Variants in GPR39 observed in about 807,000 individuals in gnomAD.
The protein encoded by GPR39 is zinc sensing receptor.
A neutral mutation model predicts 18.4 loss-of-function variants in GPR39; 23 were observed. The ratio of observed to expected loss-of-function variants is 1.25; its 90% CI spans 0.90 to 1.77. The LOEUF (loss-of-function observed/expected upper bound fraction) is 1.77, where lower values mean the gene tolerates loss of function less well. Among genes scored for constraint, GPR39 ranks in the 40% most tolerant of loss-of-function variants. The pLI, the probability that GPR39 is intolerant of heterozygous loss-of-function variation, is 0.00. For missense variants in GPR39, 647 were observed against 602.4 expected, an observed-to-expected ratio of 1.07 and a Z score of -0.78; for synonymous variants, 280 against 257.9, an observed-to-expected ratio of 1.09 and a Z score of -0.82.
At chr2:132,432,548 C>G (rs886330674) in intron 1 of GPR39, among the ~76,000 whole-genome samples, 8 of 152,200 alleles carry the variant, frequency 5.3e-5, no homozygotes, top group African/African-American at 1.9e-4. Flanking sequence ...AGGATCATCT[C>G]TCTACCTCAA....
intron 1 of GPR39, among the ~76,000 whole-genome samples, chr2:132,587,316 C>T (rs894385191): frequency 2.0e-5 from 3 of 152,154 alleles, no homozygotes; most frequent in Non-Finnish European, 2.9e-5. Context: ...GTGGCTCTTT[C>T]GCCATTTCTC....
At chr2:132,468,190 C>T (rs911820313) in intron 1 of GPR39, among the ~76,000 whole-genome samples, 20 of 152,168 alleles carry the variant, frequency 1.3e-4, no homozygotes, top group Admixed American at 5.2e-4. Flanking sequence ...CAACATATTT[C>T]AAGTACCTGT....
chr2:132,590,958 A>AGGC, intron 1 of GPR39, among the ~76,000 whole-genome samples: 1 of 151,982 alleles, frequency 6.6e-6, no homozygotes, highest in African/African-American at 2.4e-5. Flanking sequence ...CTAGGATAAA[A>AGGC]ACAGAGGAAC....
chr2:132,517,231 A>T (rs892170298), intron 1 of GPR39, among the ~76,000 whole-genome samples: 2 of 152,164 alleles, frequency 1.3e-5, no homozygotes, highest in Non-Finnish European at 1.5e-5. Context: ...ATATATTTAC[A>T]TGGGTCATAT....
At chr2:132,477,984 C>G (rs1222321053) in intron 1 of GPR39, among the ~76,000 whole-genome samples, 4 of 152,172 alleles carry the variant, frequency 2.6e-5, no homozygotes, top group African/African-American at 9.7e-5. Flanking sequence ...AATACCATAA[C>G]CTACAAAGAA....
chr2:132,613,700 T>C (rs1248887480), intron 1 of GPR39, among the ~76,000 whole-genome samples: 3 of 152,236 alleles, frequency 2.0e-5, no homozygotes, highest in Non-Finnish European at 4.4e-5. Context: ...TCCTCATCCT[T>C]GTCCTGATAC....
chr2:132,608,080 A>G lies in GPR39; in HGVS notation c.857-37021A>G, dbSNP rs77115415. Among the ~76,000 whole-genome samples the G allele has an allele frequency of 2.5e-3, 380 of 152,348 alleles. 2 individuals carry two copies. Among genetic ancestry groups the G allele is most frequent in the African/African-American group, 8.7e-3 (362 of 41,578 alleles). On this transcript the variant is annotated intron_variant, in intron 1 of 1. Coordinates refer to ENST00000329321, the MANE Select transcript of GPR39 (RefSeq NM_001508.3). ...TCCATTTTTCTCCTACTGGAAGATC[A>G]GCAATTTCAGGGGCAAAGAAAAAAG...
chr2:132,425,877 T>C (rs80336020), intron 1 of GPR39, among the ~76,000 whole-genome samples: 13,934 of 151,996 alleles, frequency 0.092, 745 homozygotes, highest in South Asian at 0.21. Context: ...AGAGGTAAAA[T>C]TCCCCCCCAG....
chr2:132,508,108 A>G (rs1679169714), intron 1 of GPR39, among the ~76,000 whole-genome samples: 1 of 152,098 alleles, frequency 6.6e-6, no homozygotes, highest in African/African-American at 2.4e-5. Flanking sequence ...CCAATCTATA[A>G]ACTCTCTAGG....
chr2:132,561,640 G>C (rs1186843454), intron 1 of GPR39, among the ~76,000 whole-genome samples: 1 of 151,672 alleles, frequency 6.6e-6, no homozygotes, highest in Non-Finnish European at 1.5e-5. Context: ...CTTACATGAT[G>C]ATGGAGGCTA....
At chr2:132,420,255 G>A (rs376511267) in intron 1 of GPR39, among the ~76,000 whole-genome samples, 9 of 152,218 alleles carry the variant, frequency 5.9e-5, no homozygotes, top group African/African-American at 2.2e-4. Context: ...TTTCTCTGCG[G>A]TAGGTTTTCA....
chr2:132,484,527 G>T (rs1681295075), intron 1 of GPR39, among the ~76,000 whole-genome samples: 1 of 152,156 alleles, frequency 6.6e-6, no homozygotes, highest in African/African-American at 2.4e-5. Context: ...ACAAGCCTCA[G>T]ATGGGAAATC....
intron 1 of GPR39, among the ~76,000 whole-genome samples, chr2:132,463,611 G>A (rs1228537415): frequency 2.6e-5 from 4 of 152,154 alleles, no homozygotes; most frequent in Non-Finnish European, 5.9e-5. Context: ...GACCTGCTGT[G>A]TGAAGTTAAA....
Position 132,417,333 on chromosome 2 carries a change from T to TCC in GPR39, c.294_295dup (p.Leu99ProfsTer2). 1 of 1,614,062 alleles carries TCC rather than the reference T, an allele frequency of 6.2e-7. No homozygotes were observed. Among genetic ancestry groups the TCC allele is most frequent in the Non-Finnish European group, 8.5e-7 (1 of 1,179,992 alleles). On this transcript the variant is annotated frameshift_variant, in exon 1 of 2. Transcript: ENST00000329321. LOFTEE classifies it high-confidence loss of function. ...TGGAGTTCTACAGCATCATCTGGAA[T>TCC]CCCCTGACCACGTCCAGCTACACCC...
intron 1 of GPR39, among the ~76,000 whole-genome samples, chr2:132,426,521 G>C (rs887072149): frequency 6.6e-6 from 1 of 152,234 alleles, no homozygotes; most frequent in Non-Finnish European, 1.5e-5. Context: ...TCACCAGAAG[G>C]GAGATGCCTG....
At chr2:132,587,659 C>T (rs977059439) in intron 1 of GPR39, among the ~76,000 whole-genome samples, 15 of 152,042 alleles carry the variant, frequency 9.9e-5, no homozygotes, top group African/African-American at 3.1e-4. Flanking sequence ...CTCAGCCTCC[C>T]GAGTAGCTGG....
intron 1 of GPR39, among the ~76,000 whole-genome samples, chr2:132,466,932 C>T (rs569586274): frequency 1.3e-5 from 2 of 152,230 alleles, no homozygotes; most frequent in African/African-American, 4.8e-5. Flanking sequence ...ACTGATTTCT[C>T]CTGCGTGACA....
intron 1 of GPR39, among the ~76,000 whole-genome samples, chr2:132,506,984 G>A (rs773467360): frequency 3.3e-5 from 5 of 151,746 alleles, no homozygotes; most frequent in Admixed American, 6.6e-5. Flanking sequence ...ATCTTGAGTT[G>A]ATTTTTTTCT....
intron 1 of GPR39, among the ~76,000 whole-genome samples, chr2:132,478,887 C>T (rs951646493): frequency 1.3e-5 from 2 of 151,380 alleles, no homozygotes; most frequent in African/African-American, 4.9e-5. Context: ...AGGGTAAATA[C>T]AATAGCCGGC....
Sources: gnomAD v4.1 joint callset for allele counts (sites outside exome capture counted in the v4.1 genomes callset) on GRCh38, gnomAD v4.1.1 for gene constraint, MANE v1.5 for transcripts, NCBI Gene and HGNC (gene_info 2026-07-23, HGNC 2026-07-21) for gene names.